The following PRR16 variants were observed in gnomAD, a reference collection of about 807,000 sequenced individuals.
PRR16 encodes the protein proline rich 16.
PRR16 carries 6 observed loss-of-function variants against 18.2 expected under a neutral mutation model. The ratio of observed to expected loss-of-function variants is 0.33; its 90% confidence interval spans 0.18 to 0.65. PRR16 has a LOEUF of 0.65. Among genes scored for constraint, PRR16 ranks in the 30% least tolerant of loss-of-function variants. PRR16 has a pLI of 0.74. For synonymous variants in PRR16, 151 were observed against 147.8 expected (o/e 1.02, Z -0.16); for missense variants, 412 against 376.6 (o/e 1.09, Z -0.78).
chr5:120,611,617 C>T (rs1357895540), intron 1 of PRR16, among the ~76,000 whole-genome samples: 1 of 152,190 alleles, frequency 6.6e-6, no homozygotes, highest in Non-Finnish European at 1.5e-5. Flanking sequence ...TGGTGTTGAG[C>T]CTGCAAGTAC....
At chr5:120,698,093 G>A in the PRR16 span, among the ~76,000 whole-genome samples, 1 of 152,048 alleles carries the variant, frequency 6.6e-6, no homozygotes, top group Non-Finnish European at 1.5e-5. Context: ...AATTGTTGGG[G>A]CGGCGAAAAC....
the PRR16 span, among the ~76,000 whole-genome samples, chr5:120,755,886 G>A: frequency 1.3e-5 from 2 of 152,092 alleles, no homozygotes; most frequent in Non-Finnish European, 2.9e-5. Context: ...AAAGAAAAGT[G>A]TACTCCAGAG....
chr5:120,474,429 AACT>A (rs1749370670), intron 1 of PRR16, among the ~76,000 whole-genome samples: 1 of 152,108 alleles, frequency 6.6e-6, no homozygotes, highest in South Asian at 2.1e-4. Context: ...GCAATAGTAG[AACT>A]AGGAACCCAA....
chr5:120,598,131 G>A (rs1753871748), intron 1 of PRR16, among the ~76,000 whole-genome samples: 1 of 151,794 alleles, frequency 6.6e-6, no homozygotes, highest in Non-Finnish European at 1.5e-5. Context: ...TACCTTGTGA[G>A]AATTTTTTTC....
chr5:120,606,688 A>G (rs893655993), intron 1 of PRR16, among the ~76,000 whole-genome samples: 3 of 152,158 alleles, frequency 2.0e-5, no homozygotes, highest in Admixed American at 6.5e-5. Context: ...GAATTACTTG[A>G]GACCAGGAGT....
the PRR16 span, among the ~76,000 whole-genome samples, chr5:120,746,146 T>C: frequency 1.3e-5 from 2 of 151,776 alleles, no homozygotes; most frequent in African/African-American, 4.8e-5. Flanking sequence ...TATTTAATTA[T>C]ATTACATTTT....
intron 1 of PRR16, among the ~76,000 whole-genome samples, chr5:120,584,711 A>G (rs1021589340): frequency 6.6e-6 from 1 of 152,184 alleles, no homozygotes; most frequent in Non-Finnish European, 1.5e-5. Flanking sequence ...AATTTCCTCA[A>G]CCAGGAGTAA....
intron 1 of PRR16, chr5:120,481,150 T>G: frequency 9.3e-7 from 1 of 1,077,324 alleles, no homozygotes; most frequent in Non-Finnish European, 1.2e-6. Context: ...ATATATCTTA[T>G]TTTATTTTTT....
In PRR16 at chr5:120,591,394, C is replaced by G. The variant is rs892918376; in HGVS notation, c.160-94560C>G. The stretch of plus-strand genomic sequence containing the variant: ...ATATATATGTATATTCCATATATCC[C>G]TCTTTCTTCATTTGTCAAAATCATT... On this transcript the variant is annotated intron_variant, in intron 1 of 1. Transcript: ENST00000407149. Among the ~76,000 whole-genome samples, 4 of 151,910 alleles carry G rather than the reference C, an allele frequency of 2.6e-5. No homozygotes were observed. The South Asian group carries it at 8.3e-4, about 32-fold the overall frequency.
At chr5:120,546,239 A>G (rs894644852) in intron 1 of PRR16, among the ~76,000 whole-genome samples, 1 of 152,140 alleles carries the variant, frequency 6.6e-6, no homozygotes, top group Admixed American at 6.6e-5. Flanking sequence ...ACTTCTTAGA[A>G]TACAGTGGGA....
At chr5:120,788,220 G>T in the PRR16 span, among the ~76,000 whole-genome samples, 1 of 151,904 alleles carries the variant, frequency 6.6e-6, no homozygotes, top group Non-Finnish European at 1.5e-5. Context: ...TGGAGAGCAA[G>T]AAATAAGTTT....
At chr5:120,560,120 C>G (rs1479470755) in intron 1 of PRR16, among the ~76,000 whole-genome samples, 2 of 151,624 alleles carry the variant, frequency 1.3e-5, no homozygotes, top group Non-Finnish European at 2.9e-5. Flanking sequence ...ATTTGGATGC[C>G]CTTTATTTCT....
the PRR16 span, among the ~76,000 whole-genome samples, chr5:120,766,504 T>A: frequency 2.0e-5 from 3 of 152,002 alleles, no homozygotes; most frequent in Non-Finnish European, 4.4e-5. Context: ...GTGTCATATA[T>A]ACATTGCAAA....
intron 1 of PRR16, among the ~76,000 whole-genome samples, chr5:120,504,979 T>C (rs1163148158): frequency 1.3e-5 from 2 of 152,170 alleles, no homozygotes; most frequent in Non-Finnish European, 2.9e-5. Context: ...AATACTTTTA[T>C]TGTAGCACCT....
intron 1 of PRR16, among the ~76,000 whole-genome samples, chr5:120,609,933 C>G (rs1477849228): frequency 2.0e-5 from 3 of 152,174 alleles, no homozygotes; most frequent in African/African-American, 7.2e-5. Flanking sequence ...AAGTGCTAGT[C>G]TCTTTGGTTT....
the PRR16 span, among the ~76,000 whole-genome samples, chr5:120,754,250 T>A: frequency 9.4e-6 from 1 of 106,056 alleles, no homozygotes; most frequent in African/African-American, 3.8e-5. Flanking sequence ...TTAGATATTA[T>A]AATATAAAAA....
intron 1 of PRR16, among the ~76,000 whole-genome samples, chr5:120,576,824 C>G (rs1753094434): frequency 6.6e-6 from 1 of 152,112 alleles, no homozygotes; most frequent in Non-Finnish European, 1.5e-5. Context: ...ATTGGCTCTC[C>G]TGGGTCTCCA....
intron 1 of PRR16, among the ~76,000 whole-genome samples, chr5:120,604,655 A>C (rs1754095983): frequency 6.6e-6 from 1 of 152,108 alleles, no homozygotes; most frequent in Non-Finnish European, 1.5e-5. Flanking sequence ...TGGGGTATGT[A>C]CTTAAATATG....
chr5:120,479,890 TA>T (rs199690266), intron 1 of PRR16, among the ~76,000 whole-genome samples: 10 of 151,264 alleles, frequency 6.6e-5, no homozygotes, highest in East Asian at 1.9e-4. Flanking sequence ...TTAGATGAAG[TA>T]AAAAAAAATA....
Sources: gnomAD v4.1 joint callset for allele counts (sites outside exome capture counted in the v4.1 genomes callset) on GRCh38, gnomAD v4.1.1 for gene constraint, MANE v1.5 for transcripts, NCBI Gene and HGNC (gene_info 2026-07-23, HGNC 2026-07-21) for gene names.